DPP10: variants seen among roughly 807,000 people sequenced by gnomAD.
DPP10 encodes the protein dipeptidyl peptidase like 10, also known as inactive dipeptidyl peptidase 10.
Under a neutral mutation model 120.9 loss-of-function variants are expected in DPP10, and 33 were observed. That is an observed-to-expected ratio of 0.27 (90% CI 0.21 to 0.37). DPP10 has a LOEUF of 0.37. Among genes scored for constraint, DPP10 ranks in the 10% least tolerant of loss-of-function variants. DPP10 has a pLI of 1.00. For missense variants in DPP10, 816 were observed against 942.8 expected, an observed-to-expected ratio of 0.87 and a Z score of 1.76; for synonymous variants, 337 against 326.1, an observed-to-expected ratio of 1.03 and a Z score of -0.36.
At chr2:115,672,461 A>T (rs1223446762) in intron 5 of DPP10, among the ~76,000 whole-genome samples, 1 of 152,186 alleles carries the variant, frequency 6.6e-6, no homozygotes, top group Middle Eastern at 3.2e-3. Context: ...AGGGCAAGAA[A>T]AAAATGAGCT....
intron 1 of DPP10, among the ~76,000 whole-genome samples, chr2:115,260,389 C>A (rs2059200387): frequency 6.6e-6 from 1 of 151,964 alleles, no homozygotes; most frequent in Non-Finnish European, 1.5e-5. Context: ...ATTCCTAAAC[C>A]AAGAAACGTG....
At chr2:115,025,207 GGAGATCT>G (rs1703374180) in intron 1 of DPP10, among the ~76,000 whole-genome samples, 1 of 366 alleles carries the variant, frequency 2.7e-3, no homozygotes, top group African/African-American at 3.3e-3. Flanking sequence ...CTCTTCATGA[GGAGATCT>G]ATCACTTTAG....
intron 2 of DPP10, among the ~76,000 whole-genome samples, chr2:115,335,894 ATCACGT>A (rs1445857665): frequency 1.3e-5 from 2 of 152,050 alleles, no homozygotes; most frequent in Non-Finnish European, 2.9e-5. Flanking sequence ...CTAAGGGAGA[ATCACGT>A]GAGTAGAAAG....
intron 1 of DPP10, among the ~76,000 whole-genome samples, chr2:114,886,253 A>T (rs991630680): frequency 1.3e-5 from 2 of 152,060 alleles, no homozygotes; most frequent in African/African-American, 4.8e-5. Flanking sequence ...TGAAGTATGA[A>T]CTCCTCTTCT....
At chr2:115,797,996 C>T (rs1684739471) in intron 19 of DPP10, among the ~76,000 whole-genome samples, 1 of 151,736 alleles carries the variant, frequency 6.6e-6, no homozygotes, top group Non-Finnish European at 1.5e-5. Context: ...CACAGAAACA[C>T]ACATGCCATT....
At chr2:114,631,766 T>TA (rs939528356) in intron 1 of DPP10, among the ~76,000 whole-genome samples, 8 of 151,660 alleles carry the variant, frequency 5.3e-5, no homozygotes, top group African/African-American at 9.7e-5. Context: ...TTATTGGGAC[T>TA]AAAAAAAAAT....
At chr2:114,859,296 A>C (rs1319619719) in intron 1 of DPP10, among the ~76,000 whole-genome samples, 6 of 151,626 alleles carry the variant, frequency 4.0e-5, no homozygotes, top group Admixed American at 3.9e-4. Flanking sequence ...TGAACCCAGG[A>C]GGTGAAGCTA....
intron 3 of DPP10, among the ~76,000 whole-genome samples, chr2:115,388,829 C>T (rs2067132313): frequency 6.6e-6 from 1 of 152,126 alleles, no homozygotes; most frequent in South Asian, 2.1e-4. Context: ...ATGAATGTGG[C>T]TTCTACAATC....
intron 1 of DPP10, among the ~76,000 whole-genome samples, chr2:114,451,723 C>CT (rs1490148845): frequency 1.3e-5 from 2 of 152,112 alleles, no homozygotes; most frequent in Non-Finnish European, 2.9e-5. Flanking sequence ...TGGCTGTACT[C>CT]TGACGGCAAA....
intron 14 of DPP10, among the ~76,000 whole-genome samples, chr2:115,777,522 G>C (rs1233157661): frequency 1.3e-5 from 2 of 151,996 alleles, no homozygotes. Flanking sequence ...CTCACACACA[G>C]TGATTGAGAG....
In DPP10 at chr2:114,674,164, ATATT is replaced by A. The variant is rs200324774; in HGVS notation, c.60+231330_60+231333del. ...ACATGATCCTATCCTCATTGTTAAA[ATATT>A]TATATACATTCTTCCAGGTTTTTGT... On this transcript the variant is annotated intron_variant, in intron 1 of 25. Transcript: ENST00000410059. Among the ~76,000 whole-genome samples, 878 of 152,168 alleles carry A rather than the reference ATATT, an allele frequency of 5.8e-3. 6 individuals are homozygous for A. The highest frequency in any genetic ancestry group is 0.027 in the South Asian group (132 of 4,824).
At chr2:115,319,250 G>A (rs186429191) in intron 2 of DPP10, among the ~76,000 whole-genome samples, 15 of 152,076 alleles carry the variant, frequency 9.9e-5, no homozygotes, top group African/African-American at 3.4e-4. Context: ...AAACCCACTT[G>A]TTCATGATGT....
chr2:114,701,067 G>A (rs1476283202), intron 1 of DPP10, among the ~76,000 whole-genome samples: 1 of 151,854 alleles, frequency 6.6e-6, no homozygotes, highest in Non-Finnish European at 1.5e-5. Context: ...CCTTGGTTAG[G>A]ACCTGAAAAC....
intron 1 of DPP10, among the ~76,000 whole-genome samples, chr2:115,129,350 A>G (rs2050226779): frequency 6.6e-6 from 1 of 152,202 alleles, no homozygotes; most frequent in African/African-American, 2.4e-5. Flanking sequence ...TGAGGATGCA[A>G]TCCACGGAAA....
chr2:115,814,255 C>G (rs1455027961), intron 19 of DPP10, among the ~76,000 whole-genome samples: 1 of 151,954 alleles, frequency 6.6e-6, no homozygotes, highest in Non-Finnish European at 1.5e-5. Context: ...AGAATTCCAC[C>G]ACAGAAACAA....
At chr2:115,701,847 C>A (rs1390056477) in intron 7 of DPP10, among the ~76,000 whole-genome samples, 1 of 151,932 alleles carries the variant, frequency 6.6e-6, no homozygotes, top group African/African-American at 2.4e-5. Context: ...CCAATAAGTT[C>A]ATCAAAATAG....
intron 1 of DPP10, among the ~76,000 whole-genome samples, chr2:114,454,659 A>T (rs933082488): frequency 6.6e-6 from 1 of 152,144 alleles, no homozygotes; most frequent in African/African-American, 2.4e-5. Context: ...ACTGCTCCTC[A>T]TTCGGGCTGA....
chr2:115,624,685 T>A (rs2085223649), intron 5 of DPP10, among the ~76,000 whole-genome samples: 1 of 152,212 alleles, frequency 6.6e-6, no homozygotes, highest in African/African-American at 2.4e-5. Context: ...ACCGAGTAGA[T>A]GGTTGGCATG....
At chr2:115,112,935 G>C (rs140467187) in intron 1 of DPP10, among the ~76,000 whole-genome samples, 1 of 151,834 alleles carries the variant, frequency 6.6e-6, no homozygotes, top group Non-Finnish European at 1.5e-5. Flanking sequence ...TGGTATTTTC[G>C]TTCACATTTG....
Sources: gnomAD v4.1 joint callset for allele counts (sites outside exome capture counted in the v4.1 genomes callset) on GRCh38, gnomAD v4.1.1 for gene constraint, MANE v1.5 for transcripts, NCBI Gene and HGNC (gene_info 2026-07-23, HGNC 2026-07-21) for gene names.